The following SLC10A2 variants were observed in gnomAD, a reference collection of about 807,000 sequenced individuals.
SLC10A2 encodes solute carrier family 10 member 2.
Under a neutral mutation model 27.1 loss-of-function variants are expected in SLC10A2, and 34 were observed. That is an observed-to-expected ratio of 1.26 (90% CI 0.96 to 1.67). SLC10A2 has a LOEUF of 1.67. SLC10A2 is among the 40% of genes most tolerant of loss of function. SLC10A2 has a pLI of 0.00. For synonymous variants in SLC10A2, 205 were observed against 174.0 expected (o/e 1.18, Z -1.40); for missense variants, 530 against 444.4 (o/e 1.19, Z -1.73).
chr13:103,063,963 C>G lies in SLC10A2; in HGVS notation c.377+1910G>C, dbSNP rs180792641. ...GCAGGCATTTGATCTTCTCTTTTGC[C>G]CTTCCTAACACTCTGCTTCCTTCCC... On this transcript the variant is annotated intron_variant, in intron 1 of 5. Coordinates refer to ENST00000245312, the MANE Select transcript of SLC10A2 (RefSeq NM_000452.3). Among the ~76,000 whole-genome samples the G allele has an allele frequency of 5.0e-4, 76 of 152,264 alleles. 1 individual carries two copies. Among genetic ancestry groups the G allele is most frequent in the Non-Finnish European group, 9.4e-4 (64 of 68,026 alleles).
intron 5 of SLC10A2, among the ~76,000 whole-genome samples, chr13:103,048,301 G>T (rs1052948715): frequency 2.0e-5 from 3 of 151,588 alleles, no homozygotes; most frequent in African/African-American, 7.3e-5. Flanking sequence ...TGAGGTGGGA[G>T]AATGGCGTGA....
At chr13:103,054,206 T>A (rs897806126) in intron 2 of SLC10A2, among the ~76,000 whole-genome samples, 91 of 152,222 alleles carry the variant, frequency 6.0e-4, no homozygotes, top group African/African-American at 2.1e-3. Flanking sequence ...CCTTCTTTGC[T>A]CTCTTCCTCT....
chr13:103,050,362 C>G (rs974669501), intron 4 of SLC10A2, among the ~76,000 whole-genome samples: 9 of 152,166 alleles, frequency 5.9e-5, no homozygotes, highest in African/African-American at 2.2e-4. Context: ...TCCTCTCTTT[C>G]CCAACTTCAT....
intron 1 of SLC10A2, among the ~76,000 whole-genome samples, chr13:103,059,491 T>C (rs949226065): frequency 5.9e-5 from 9 of 152,220 alleles, no homozygotes; most frequent in Non-Finnish European, 1.2e-4. Flanking sequence ...GTAATATACA[T>C]GTGCCTATGT....
chr13:103,055,260 A>T (rs192981213), intron 2 of SLC10A2, among the ~76,000 whole-genome samples: 59 of 152,344 alleles, frequency 3.9e-4, no homozygotes, highest in Non-Finnish European at 5.9e-4. Context: ...ACACTTAAAA[A>T]TGTGGGGTAG....
intron 2 of SLC10A2, among the ~76,000 whole-genome samples, chr13:103,053,469 G>A (rs534381876): frequency 1.3e-5 from 2 of 152,126 alleles, no homozygotes; most frequent in African/African-American, 2.4e-5. Context: ...CTGTTTTTGC[G>A]ACATGTGGTT....
rs1316354933 is a variant in SLC10A2, at chr13:103,051,351, C to CAA, written c.665_666dup (p.Ala223LeufsTer8). The CAA allele has an allele frequency of 1.9e-6, 3 of 1,614,010 alleles. No individual in the cohort carries two copies. Among genetic ancestry groups the CAA allele is most frequent in the Non-Finnish European group, 2.5e-6 (3 of 1,179,978 alleles). On this transcript the variant is annotated frameshift_variant, in exon 4 of 6. Coordinates refer to ENST00000245312, the MANE Select transcript of SLC10A2 (RefSeq NM_000452.3). LOFTEE classifies it high-confidence loss of function. ...GTTCCTATAATCCACAGTTTGGGAGCAATGATCCAGGCGCTTTGGTACAAT... is the reference window on the plus strand; with the variant it reads ...GTTCCTATAATCCACAGTTTGGGAGCAAAATGATCCAGGCGCTTTGGTACAAT...
chr13:103,051,281 C>G lies in SLC10A2; in HGVS notation c.737G>C (p.Arg246Thr), dbSNP rs138811603. The G allele has an allele frequency of 2.7e-5, 44 of 1,613,914 alleles. No individual in the cohort carries two copies. Among genetic ancestry groups the G allele is most frequent in the Admixed American group, 5.0e-5 (3 of 59,980 alleles). ...CCTGTACCAGGGTAGACCAGCAATT[C>G]TAGCCAGAAGAAACCCCAGGGAGTA... ...AGYSLGFLLA[R>T]IAGLPWYRCR... The change falls in exon 4 of 6, where the codon AGA becomes ACA. Residue 246 changes from arginine to threonine, a missense_variant. Arg to Thr is a moderately conservative substitution (Grantham distance 71, BLOSUM62 -1). Transcript: ENST00000245312.
intron 1 of SLC10A2, among the ~76,000 whole-genome samples, chr13:103,059,678 C>T (rs1245048307): frequency 6.6e-6 from 1 of 152,108 alleles, no homozygotes; most frequent in African/African-American, 2.4e-5. Context: ...TGCCATCCTT[C>T]AAACATTCAA....
intron 1 of SLC10A2, among the ~76,000 whole-genome samples, chr13:103,065,011 C>T (rs1876232897): frequency 6.6e-6 from 1 of 152,212 alleles, no homozygotes; most frequent in African/African-American, 2.4e-5. Context: ...ATTTAATAAG[C>T]ACACGTTGCA....
At position 103,046,171 on chromosome 13, in the gene SLC10A2, A is replaced by G; in HGVS notation, c.1009T>C (p.Tyr337His). Reference sequence around the variant, plus strand: ...GGTTGAAATCCTCCATTTGCCTTATAAAACGATGACTCTGGCTCCGTTCCA... The same window carrying G: ...GGTTGAAATCCTCCATTTGCCTTATGAAACGATGACTCTGGCTCCGTTCCA... ...ENGTEPESSF[Y>H]KANGGFQPDE... The change falls in exon 6 of 6, where the codon TAT becomes CAT. Residue 337 changes from tyrosine (Y) to histidine (H), a missense_variant. Transcript: ENST00000245312. 6.2e-7 allele frequency: 1 copy of G among 1,613,978 alleles called. No homozygotes were observed. The highest frequency in any genetic ancestry group is 8.5e-7 in the Non-Finnish European group (1 of 1,179,912).
intron 1 of SLC10A2, among the ~76,000 whole-genome samples, chr13:103,060,403 T>TA (rs1491134777): frequency 9.6e-5 from 11 of 114,486 alleles, no homozygotes; most frequent in African/African-American, 3.3e-4. Context: ...TTTTTTTTTT[T>TA]AAATAGGGTC....
chr13:103,049,512 T>C, intron 4 of SLC10A2, 66 bp from the exon 5 acceptor site: 1 of 1,522,038 alleles, frequency 6.6e-7, no homozygotes, highest in Non-Finnish European at 9.1e-7. Flanking sequence ...GAAAAGCAGA[T>C]ATAATAATAA....
chr13:103,044,862 C>T lies in SLC10A2; in HGVS notation c.*1271G>A, dbSNP rs200275727. On this transcript the variant is annotated 3_prime_UTR_variant, in exon 6 of 6. Coordinates refer to ENST00000245312, the MANE Select transcript of SLC10A2 (RefSeq NM_000452.3). ...TTCGATCTTATAATTGAAAGTCCAA[C>T]ACTTGATGAGTTATTTTCCCCTGGC... 5.3e-5 allele frequency: 8 copies of T among 152,222 alleles called. No individual in the cohort carries two copies. The highest frequency in any genetic ancestry group is 7.3e-5 in the Non-Finnish European group (5 of 68,040). 9.4% of individuals were successfully genotyped at this position (152,222 alleles called of 1,614,324 possible). A position where few individuals can be genotyped will look rare whatever the true frequency, so the allele number is the denominator to read the frequency against.
At chr13:103,048,839 GCA>G (rs1056577404) in intron 5 of SLC10A2, among the ~76,000 whole-genome samples, 8 of 152,094 alleles carry the variant, frequency 5.3e-5, no homozygotes, top group African/African-American at 1.9e-4. Flanking sequence ...ATACACATAT[GCA>G]CACACACATC....
At chr13:103,049,163 G>A in intron 5 of SLC10A2, 126 bp downstream of exon 5, 1 of 943,090 alleles carries the variant, frequency 1.1e-6, no homozygotes, top group Non-Finnish European at 1.7e-6. Flanking sequence ...ATATGACGGT[G>A]GCTTTTTCCT....
intron 2 of SLC10A2, among the ~76,000 whole-genome samples, chr13:103,053,376 T>A (rs1237861196): frequency 6.6e-6 from 1 of 152,194 alleles, no homozygotes; most frequent in East Asian, 1.9e-4. Flanking sequence ...CGAACTCTCA[T>A]GTAATTATAG....
Position 103,058,319 on chromosome 13 carries a change from G to C in SLC10A2, c.441C>G (p.Ile147Met). Reference protein sequence around the residue: ...ALGMMPLCLLIYTKMWVDSGS... With the variant: ...ALGMMPLCLLMYTKMWVDSGS... The stretch of plus-strand genomic sequence containing the variant: ...CAGAGTCGACCCACATTTTGGTATA[G>C]ATAAGGAGGCACAGCGGCATCATTC... The change falls in exon 2 of 6, where the codon ATC becomes ATG. Residue 147 changes from isoleucine (I) to methionine (M), a missense_variant. Ile to Met is a conservative substitution (Grantham distance 10). Transcript: ENST00000245312. 2 of 1,613,916 alleles carry C rather than the reference G, an allele frequency of 1.2e-6. No homozygotes were observed. The highest frequency in any genetic ancestry group is 1.7e-6 in the Non-Finnish European group (2 of 1,179,836).
chr13:103,052,636 G>T lies in SLC10A2; in HGVS notation c.569C>A (p.Ala190Glu), dbSNP rs199940023. Residue 190 changes from alanine (A) to glutamate (E), a missense_variant, in exon 3 of 6, where the codon GCA becomes GAA. Transcript: ENST00000245312. ...GATACTTACTTTAAGTATGATCTTT[G>T]CTTTTTGGGGCCATTTGTGATTAAC... is the stretch of plus-strand genomic sequence containing the variant. ...MFVNHKWPQK[A>E]KIILKIGSIA... 1 of 1,609,196 alleles carries T rather than the reference G, an allele frequency of 6.2e-7. No individual in the cohort carries two copies.
Sources: gnomAD v4.1 joint callset for allele counts (sites outside exome capture counted in the v4.1 genomes callset) on GRCh38, gnomAD v4.1.1 for gene constraint, MANE v1.5 for transcripts, NCBI Gene and HGNC (gene_info 2026-07-23, HGNC 2026-07-21) for gene names.